Variants in SORL1 observed in about 807,000 individuals in gnomAD.
The protein encoded by SORL1 is sortilin related receptor 1.
SORL1 carries 127 observed loss-of-function variants against 273.7 expected under a neutral mutation model. The observed-to-expected ratio is 0.46, with a 90% CI of 0.40 to 0.54. The LOEUF is 0.54. Among genes scored for constraint, SORL1 ranks in the 20% least tolerant of loss-of-function variants. The probability of loss-of-function intolerance (pLI) is 0.00; values close to 1 mark genes in which losing one functional copy is unlikely to be tolerated. For missense variants in SORL1, 2,494 were observed against 2,846.1 expected (o/e 0.88, Z 2.81); for synonymous variants, 1,031 against 1,067.4 (o/e 0.97, Z 0.66).
chr11:121,611,138 A>G lies in SORL1; in HGVS notation c.5302A>G (p.Thr1768Ala), dbSNP rs781458738. The stretch of plus-strand genomic sequence containing the variant: ...TGAAAATTATCTAAGCTTCACCCTG[A>G]CCATGGAGAGTGATATCAAGGTAAT... ...YGENYLSFTL[T>A]MESDIKVNGY... The change falls in exon 39 of 48, where the codon ACC (threonine) becomes GCC (alanine). Residue 1768 changes from threonine to alanine, a missense_variant. By Grantham distance (58) the Thr-to-Ala change is moderately conservative (BLOSUM62 0). Around this residue, in one of 3 missense-constraint regions of SORL1, gnomAD observed 1,609 missense variants for 1,816.4 expected, o/e 0.89. Transcript: ENST00000260197. 9 of 1,611,720 alleles carry G rather than the reference A, an allele frequency of 5.6e-6. No homozygotes were observed. Among genetic ancestry groups the G allele is most frequent in the Non-Finnish European group, 7.6e-6 (9 of 1,177,842 alleles).
At chr11:121,457,026 T>G (rs1860916720) in intron 1 of SORL1, among the ~76,000 whole-genome samples, 1 of 152,232 alleles carries the variant, frequency 6.6e-6, no homozygotes, top group Non-Finnish European at 1.5e-5. Flanking sequence ...TCAGGTTGGC[T>G]TTTATGTAGC....
At chr11:121,539,662 T>C (rs1862317778) in intron 12 of SORL1, among the ~76,000 whole-genome samples, 1 of 151,978 alleles carries the variant, frequency 6.6e-6, no homozygotes, top group African/African-American at 2.4e-5. Flanking sequence ...ATTCAAAGAT[T>C]TTTTTCTTTT....
intron 16 of SORL1, among the ~76,000 whole-genome samples, chr11:121,553,351 A>G (rs1468074412): frequency 6.6e-6 from 1 of 152,252 alleles, no homozygotes. Flanking sequence ...TAGAAACAGA[A>G]TTTTTGTGGT....
chr11:121,591,058 A>T lies in SORL1; in HGVS notation c.4271A>T (p.Tyr1424Phe), dbSNP rs775135385. 6.2e-7 allele frequency: 1 copy of T among 1,614,060 alleles called. No homozygotes were observed. The highest frequency in any genetic ancestry group is 8.5e-7 in the Non-Finnish European group (1 of 1,180,008). ...PGPSTCLPNY[Y>F]RCSSGTCVMD... ...CCCTCCACGTGTCTGCCCAATTACT[A>T]CCGCTGCAGCAGTGGGACCTGCGTG... The change falls in exon 31 of 48, where the codon TAC (tyrosine) becomes TTC (phenylalanine). Residue 1424 changes from tyrosine to phenylalanine, a missense_variant. Physicochemically the swap from Tyr to Phe is conservative, Grantham distance 22. This residue lies in a region of SORL1 where 1,609 missense variants were observed against 1,816.4 expected (regional missense o/e 0.89). Transcript: ENST00000260197.
chr11:121,493,294 A>G (rs593769), intron 5 of SORL1, among the ~76,000 whole-genome samples: 56,257 of 150,450 alleles, frequency 0.37, 10,777 homozygotes, highest in East Asian at 0.56. Context: ...CTGTTTAAGT[A>G]TGACCAGGCT....
Position 121,590,025 on chromosome 11 carries a change from G to A in SORL1, c.4079-15G>A. On this transcript the variant is annotated splice_polypyrimidine_tract_variant and intron_variant, in intron 29 of 47. Transcript: ENST00000260197. ...ATGCAGGGAAAGCAACTGATGATGTGGTTGATCTCTGCAGAAAACCCCACA... is the reference window on the plus strand; with the variant it reads ...ATGCAGGGAAAGCAACTGATGATGTAGTTGATCTCTGCAGAAAACCCCACA... 1 of 1,613,386 alleles carries A rather than the reference G, an allele frequency of 6.2e-7. No individual in the cohort carries two copies. The highest frequency in any genetic ancestry group is 8.5e-7 in the Non-Finnish European group (1 of 1,179,572).
At chr11:121,468,021 C>T (rs553668752) in intron 1 of SORL1, among the ~76,000 whole-genome samples, 1 of 152,316 alleles carries the variant, frequency 6.6e-6, no homozygotes, top group South Asian at 2.1e-4. Flanking sequence ...GCTGCTTTGT[C>T]CTTCTGCCAG....
At position 121,607,197 on chromosome 11, in the gene SORL1, C is replaced by T. The variant is rs912178830; in HGVS notation, c.5073C>T (p.Ser1691=). ...GLIREYIVEY[S]RSGSKMWASQ... ...TCTTCTCCCTTTAGGTAGAATACAG[C>T]AGGAGTGGTTCCAAGATGTGGGCCT... The change falls in exon 37 of 48, where the codon AGC becomes AGT. Residue 1691 remains serine (S), a synonymous_variant. Transcript: ENST00000260197. 14 of 1,604,102 alleles carry T rather than the reference C, an allele frequency of 8.7e-6. No individual in the cohort carries two copies. The Admixed American group carries it at 1.7e-4, about 19-fold the overall frequency.
chr11:121,620,043 C>G (rs1863700004), intron 43 of SORL1, 126 bp downstream of exon 43: 1 of 742,858 alleles, frequency 1.3e-6, no homozygotes, highest in African/African-American at 1.7e-5. Context: ...AGCAGGAGGT[C>G]TCTCTCCCAT....
Position 121,488,226 on chromosome 11 carries a change from G to A in SORL1, c.690+33G>A, listed in dbSNP as rs537686547. ...GGCTTTCAGAACCCAGTTGCATGGG[G>A]CTCCTCTAGTTTTCTCCTCTGCCTG... is the stretch of plus-strand genomic sequence containing the variant. On this transcript the variant is annotated intron_variant, in intron 4 of 47. Coordinates refer to ENST00000260197, the MANE Select transcript of SORL1 (RefSeq NM_003105.6). The A allele has an allele frequency of 1.1e-5, 17 of 1,607,054 alleles. No individual in the cohort carries two copies. The African/African-American group carries it at 1.6e-4, about 15-fold the overall frequency.
In SORL1 at chr11:121,550,051, C is replaced by T. The variant is rs1862484643; in HGVS notation, c.2143C>T (p.Pro715Ser). 6.2e-7 allele frequency: 1 copy of T among 1,613,578 alleles called. No homozygotes were observed. Among genetic ancestry groups the T allele is most frequent in the South Asian group, 1.1e-5 (1 of 91,076 alleles). ...TGGAAAGTCATACTCCCCTCCTGTG[C>T]CTTGCCCTGTGGGTTCTACTTACAG... is the stretch of plus-strand genomic sequence containing the variant. Reference protein sequence around the residue: ...FSGKSYSPPVPCPVGSTYRRT... With the variant: ...FSGKSYSPPVSCPVGSTYRRT... Residue 715 changes from proline (P) to serine (S), a missense_variant, in exon 15 of 48, where the codon CCT becomes TCT. Pro to Ser is a moderately conservative substitution (Grantham distance 74). Transcript: ENST00000260197. The surrounding 1 kb of genome is among the most constrained non-coding windows in gnomAD (Gnocchi z 5.3).
intron 6 of SORL1, among the ~76,000 whole-genome samples, chr11:121,509,283 C>G (rs1307572690): frequency 9.9e-5 from 15 of 152,128 alleles, no homozygotes; most frequent in Admixed American, 9.8e-4. Context: ...TTTTCTCTAG[C>G]TGAGCTGCCA....
At chr11:121,566,275 T>G (rs529219106) in intron 21 of SORL1, among the ~76,000 whole-genome samples, 16 of 152,196 alleles carry the variant, frequency 1.1e-4, no homozygotes, top group African/African-American at 3.1e-4. Flanking sequence ...AAAAAAAAAA[T>G]TATTCGGAAT....
chr11:121,629,162 A>G (rs934979641), intron 47 of SORL1: 17 of 303,262 alleles, frequency 5.6e-5, no homozygotes, highest in African/African-American at 2.5e-4. Flanking sequence ...AGTGTAGGGT[A>G]TAGATAACTC....
chr11:121,607,055 T>A, intron 36 of SORL1, 98 bp downstream of exon 36: 1 of 1,068,896 alleles, frequency 9.4e-7, no homozygotes, highest in Non-Finnish European at 1.4e-6. Flanking sequence ...TTTAGCTTTG[T>A]AGGTGATGAC....
At chr11:121,629,140 G>T (rs1052064280) in intron 47 of SORL1, 16 of 221,120 alleles carry the variant, frequency 7.2e-5, no homozygotes, top group African/African-American at 3.6e-4. Flanking sequence ...AGACACTGAA[G>T]TTCACTGTGC....
rs962594365 is a variant in SORL1 at position 121,470,072 on chromosome 11, C to T, written c.351C>T (p.Ile117=). The change falls in exon 2 of 48, where the codon ATC becomes ATT. Residue 117 remains isoleucine, a synonymous_variant. Transcript: ENST00000260197. ...VHWAGEKSNV[I]VALARDSLAL... is the part of the protein sequence containing the mutation. ...GGGCTGGAGAGAAAAGCAACGTGAT[C>T]GTGGCCTTGGCCCGAGATAGCCTGG... 8.1e-6 allele frequency: 13 copies of T among 1,614,008 alleles called. No individual in the cohort carries two copies. Among genetic ancestry groups the T allele is most frequent in the Admixed American group, 1.7e-5 (1 of 60,002 alleles).
At chr11:121,464,053 T>G (rs975497387) in intron 1 of SORL1, among the ~76,000 whole-genome samples, 1 of 152,196 alleles carries the variant, frequency 6.6e-6, no homozygotes, top group Non-Finnish European at 1.5e-5. Context: ...TTATGCTATA[T>G]TGTAGAATTT....
chr11:121,475,762 A>G (rs1230816965), intron 2 of SORL1, among the ~76,000 whole-genome samples: 2 of 152,246 alleles, frequency 1.3e-5, no homozygotes, highest in East Asian at 3.8e-4. Context: ...TACTAGCGGT[A>G]TGACCCGGAG....
Sources: gnomAD v4.1 joint callset for allele counts (sites outside exome capture counted in the v4.1 genomes callset) on GRCh38, gnomAD v4.1.1 for gene constraint, gnomAD v4.1.1 regional missense constraint, Gnocchi (gnomAD v3.1) non-coding constraint, MANE v1.5 for transcripts, NCBI Gene and HGNC (gene_info 2026-07-23, HGNC 2026-07-21) for gene names.